The following SCRT2 variants were observed in gnomAD, a reference collection of about 807,000 sequenced individuals.
SCRT2 encodes the protein transcriptional repressor scratch 2.
In SCRT2, 2 loss-of-function variants were observed where a neutral mutation model predicts 3.7. That is an observed-to-expected ratio of 0.54 (90% confidence interval 0.22 to 1.70). The LOEUF is 1.70. Among genes scored for constraint, SCRT2 ranks in the 40% most tolerant of loss-of-function variants. The pLI is 0.19. For synonymous variants in SCRT2, 256 were observed against 220.6 expected (o/e 1.16, Z -1.42); for missense variants, 456 against 468.5 (o/e 0.97, Z 0.25).
chr20:668,856 G>T (rs972618784), intron 1 of SCRT2, among the ~76,000 whole-genome samples: 2 of 152,210 alleles, frequency 1.3e-5, no homozygotes, highest in African/African-American at 4.8e-5. Context: ...GATGGAGGGG[G>T]ATGTGTAACA....
In SCRT2 at chr20:663,388, T is replaced by C. The variant is rs576495652; in HGVS notation, c.*283A>G. ...CTGGGGCGCGGGAGAGGTGCGGACC[T>C]GGTGCCTGAGTTGGGAGCCTTGAAG... On this transcript the variant is annotated 3_prime_UTR_variant, in exon 2 of 2. Transcript: ENST00000246104. This position sits in a 1 kb window ranked among gnomAD's most constrained non-coding sequence, Gnocchi z 6.9. 5.9e-4 allele frequency: 208 copies of C among 354,772 alleles called. No individual in the cohort carries two copies. The highest frequency in any genetic ancestry group is 1.2e-3 in the Admixed American group (24 of 20,798). 22.0% of individuals were successfully genotyped at this position (354,772 alleles called of 1,614,324 possible).
chr20:664,014 G>C lies in SCRT2; in HGVS notation c.581C>G (p.Ala194Gly). The C allele has an allele frequency of 1.9e-6, 3 of 1,612,050 alleles. No homozygotes were observed. The highest frequency in any genetic ancestry group is 2.5e-6 in the Non-Finnish European group (3 of 1,179,666). ...LARKCPTCGKAYVSMPALAMH... is the reference protein window; with the variant it reads ...LARKCPTCGKGYVSMPALAMH... ...GGCGAGCGCGGGCATGGACACGTAG[G>C]CCTTGCCGCACGTCGGGCATTTGCG... Residue 194 changes from alanine (A) to glycine (G), a missense_variant, in exon 2 of 2, where the codon GCC becomes GGC. By Grantham distance (60) the Ala-to-Gly change is moderately conservative (BLOSUM62 0). Around this residue, in one of 3 missense-constraint regions of SCRT2, gnomAD observed 306 missense variants for 305.3 expected, o/e 1.00. Coordinates refer to ENST00000246104, the MANE Select transcript of SCRT2 (RefSeq NM_033129.4). The surrounding 1 kb of genome is among the most constrained non-coding windows in gnomAD (Gnocchi z 7.9).
rs1984510479 is a variant in SCRT2, at chr20:675,592, AGCGCGGCATG to A, written c.-1_9del. The stretch of plus-strand genomic sequence containing the variant: ...CCTTTGATCTTCTTTACCAGGAAGG[AGCGCGGCATG>A]GCGCGGCCGGCGCGGGGCTCGGTGC... On this transcript the variant is annotated start_lost and 5_prime_UTR_variant, in exon 1 of 2. Transcript: ENST00000246104. The surrounding 1 kb of genome is among the most constrained non-coding windows in gnomAD (Gnocchi z 6.9). 1.5e-6 allele frequency: 2 copies of A among 1,317,530 alleles called. No homozygotes were observed. Among genetic ancestry groups the A allele is most frequent in the Non-Finnish European group, 1.9e-6 (2 of 1,028,586 alleles). 81.6% of individuals were successfully genotyped at this position (1,317,530 alleles called of 1,614,324 possible).
At chr20:672,103 G>A (rs1020309622) in intron 1 of SCRT2, among the ~76,000 whole-genome samples, 1 of 152,162 alleles carries the variant, frequency 6.6e-6, no homozygotes, top group African/African-American at 2.4e-5. Flanking sequence ...CAGAAAGACT[G>A]AGTCTGTGCT....
At chr20:670,663 A>G (rs1486181680) in intron 1 of SCRT2, among the ~76,000 whole-genome samples, 1 of 152,070 alleles carries the variant, frequency 6.6e-6, no homozygotes, top group East Asian at 1.9e-4. Flanking sequence ...CCCTTTGCCC[A>G]CTGTGGATTT....
At chr20:668,062 A>G (rs943161778) in intron 1 of SCRT2, among the ~76,000 whole-genome samples, 11 of 152,190 alleles carry the variant, frequency 7.2e-5, no homozygotes, top group Non-Finnish European at 1.6e-4. Context: ...TCTTTCTGCC[A>G]CACCTGTATA....
In SCRT2 at chr20:667,071, T is replaced by C. The variant is rs78024280; in HGVS notation, c.134-2610A>G. Among the ~76,000 whole-genome samples the C allele has an allele frequency of 0.038, 5,751 of 152,274 alleles. 362 individuals carry two copies. The highest frequency in any genetic ancestry group is 0.13 in the African/African-American group (5,288 of 41,522). The stretch of plus-strand genomic sequence containing the variant: ...TCTACCATTCCCAGCAGTGTGACCT[T>C]GGCCAAACGATTTGGCCTCTGTGTG... On this transcript the variant is annotated intron_variant, in intron 1 of 1. Transcript: ENST00000246104. This position sits in a 1 kb window ranked among gnomAD's most constrained non-coding sequence, Gnocchi z 4.4.
rs1984168274 is a variant in SCRT2, at chr20:666,779, T to C, written c.134-2318A>G. ...CACTCCCCAGCCTAGCAGGACCTGG[T>C]ATAGACAGTCCTGTTCACCTGGTCT... On this transcript the variant is annotated intron_variant, in intron 1 of 1. Coordinates refer to ENST00000246104, the MANE Select transcript of SCRT2 (RefSeq NM_033129.4). The surrounding 1 kb of genome is among the most constrained non-coding windows in gnomAD (Gnocchi z 4.4). Among the ~76,000 whole-genome samples, 1 of 152,054 alleles carries C rather than the reference T, an allele frequency of 6.6e-6. No homozygotes were observed. Among genetic ancestry groups the C allele is most frequent in the African/African-American group, 2.4e-5 (1 of 41,392 alleles).
rs141336598 is a variant in SCRT2 at position 667,118 on chromosome 20, G to A, written c.134-2657C>T. ...TGTGACTCTACCGTTTCAGTAAGGGGTCTGCCAGTAAACAGTATATAAACA... is the reference window on the plus strand; with the variant it reads ...TGTGACTCTACCGTTTCAGTAAGGGATCTGCCAGTAAACAGTATATAAACA... On this transcript the variant is annotated intron_variant, in intron 1 of 1. Transcript: ENST00000246104. The surrounding 1 kb of genome is among the most constrained non-coding windows in gnomAD (Gnocchi z 4.4). Among the ~76,000 whole-genome samples, 43 of 152,272 alleles carry A rather than the reference G, an allele frequency of 2.8e-4. No homozygotes were observed. Among genetic ancestry groups the A allele is most frequent in the African/African-American group, 1.0e-3 (42 of 41,546 alleles).
At position 666,861 on chromosome 20, in the gene SCRT2, T is replaced by C. The variant is rs74566866; in HGVS notation, c.134-2400A>G. ...CCATGGAAGGGGAAGGGTGGTTTGG[T>C]TCTCCAACACAGATTCCAGCTGAGT... On this transcript the variant is annotated intron_variant, in intron 1 of 1. Transcript: ENST00000246104. The surrounding 1 kb of genome is among the most constrained non-coding windows in gnomAD (Gnocchi z 4.4). Among the ~76,000 whole-genome samples, 3,233 of 152,324 alleles carry C rather than the reference T, an allele frequency of 0.021. 48 individuals carry two copies. The highest frequency in any genetic ancestry group is 0.078 in the Middle Eastern group (23 of 294).
In SCRT2 at chr20:664,953, G is replaced by A. The variant is rs560484325; in HGVS notation, c.134-492C>T. Among the ~76,000 whole-genome samples the A allele has an allele frequency of 1.2e-4, 18 of 152,262 alleles. No homozygotes were observed. In the South Asian group the frequency reaches 3.5e-3, roughly 30 times the overall value. On this transcript the variant is annotated intron_variant, in intron 1 of 1. Coordinates refer to ENST00000246104, the MANE Select transcript of SCRT2 (RefSeq NM_033129.4). The surrounding 1 kb of genome is among the most constrained non-coding windows in gnomAD (Gnocchi z 7.9). ...ATCTGCAAAATGGAGCTTGTGATTG[G>A]ACACCTCCTTCCAGGGTCGTTGGAA...
chr20:664,136 G>A lies in SCRT2; in HGVS notation c.459C>T (p.His153=). The change falls in exon 2 of 2, where the codon CAC becomes CAT. Residue 153 remains histidine (H), a synonymous_variant. Coordinates refer to ENST00000246104, the MANE Select transcript of SCRT2 (RefSeq NM_033129.4). This position sits in a 1 kb window ranked among gnomAD's most constrained non-coding sequence, Gnocchi z 7.9. ...GRAGAQAGGG[H]RHACAECGKT... ...TGCCGCACTCGGCGCACGCGTGCCGGTGCCCGCCGCCCGCCTGCGCCCCCG... is the reference window on the plus strand; with the variant it reads ...TGCCGCACTCGGCGCACGCGTGCCGATGCCCGCCGCCCGCCTGCGCCCCCG... 2 of 1,466,132 alleles carry A rather than the reference G, an allele frequency of 1.4e-6. No homozygotes were observed. Among genetic ancestry groups the A allele is most frequent in the Non-Finnish European group, 1.8e-6 (2 of 1,105,598 alleles). The allele number at this position is 1,466,132 out of a possible 1,614,324, so 90.8% of individuals were successfully genotyped here. A position where few individuals can be genotyped will look rare whatever the true frequency, so the allele number is the denominator to read the frequency against.
rs553645291 is a variant in SCRT2, at chr20:670,973, G to A, written c.133+4496C>T. The stretch of plus-strand genomic sequence containing the variant: ...AAGCTGAAAGAGATCATATTCAACC[G>A]TTTGATATTATGAAAGGAAAACAGA... On this transcript the variant is annotated intron_variant, in intron 1 of 1. Transcript: ENST00000246104. 4.7e-4 allele frequency among the ~76,000 whole-genome samples: 72 copies of A among 152,284 alleles called. 1 individual carries two copies. The highest frequency in any genetic ancestry group is 1.5e-3 in the African/African-American group (63 of 41,558).
intron 1 of SCRT2, among the ~76,000 whole-genome samples, chr20:674,941 G>C (rs1984478126): frequency 6.6e-6 from 1 of 152,200 alleles, no homozygotes; most frequent in Non-Finnish European, 1.5e-5. Context: ...GTTATTGAGA[G>C]AGGGGGTCTG....
At chr20:672,420 T>TCAC (rs1568657491) in intron 1 of SCRT2, among the ~76,000 whole-genome samples, 2 of 125,812 alleles carry the variant, frequency 1.6e-5, no homozygotes. Flanking sequence ...TGTGTGTGTG[T>TCAC]GTGCGCGCGT....
rs1396576515 is a variant in SCRT2 at position 663,471 on chromosome 20, G to A, written c.*200C>T. ...GCCGGAAAGGATGAAGTGGGTCGGG[G>A]GACGCTGGGGAAGACGGTGTGGAAG... On this transcript the variant is annotated 3_prime_UTR_variant, in exon 2 of 2. Transcript: ENST00000246104. The surrounding 1 kb of genome is among the most constrained non-coding windows in gnomAD (Gnocchi z 6.9). 4.6e-6 allele frequency: 2 copies of A among 437,544 alleles called. No individual in the cohort carries two copies. The highest frequency in any genetic ancestry group is 9.0e-5 in the South Asian group (1 of 11,086). The allele number at this position is 437,544 out of a possible 1,614,324, so 27.1% of individuals were successfully genotyped here.
rs1453794197 is a variant in SCRT2, at chr20:675,440, AC to A, written c.133+28del. ...CCAGCTCCCCTCGCCTCTTCTCCCA[AC>A]CCCCCGCCCCCGCCGGGTCCCACTC... On this transcript the variant is annotated intron_variant, in intron 1 of 1. Transcript: ENST00000246104. This position sits in a 1 kb window ranked among gnomAD's most constrained non-coding sequence, Gnocchi z 6.9. The A allele has an allele frequency of 1.5e-5, 19 of 1,283,738 alleles. No individual in the cohort carries two copies. The highest frequency in any genetic ancestry group is 1.3e-4 in the South Asian group (5 of 37,686). 79.5% of individuals were successfully genotyped at this position (1,283,738 alleles called of 1,614,324 possible).
chr20:672,432 CGTGTGT>C (rs1270906486), intron 1 of SCRT2, among the ~76,000 whole-genome samples: 1 of 149,158 alleles, frequency 6.7e-6, no homozygotes, highest in African/African-American at 2.5e-5. Context: ...TGCGCGCGTG[CGTGTGT>C]GTGTATGGAG....
At chr20:670,502 G>A (rs770464987) in intron 1 of SCRT2, among the ~76,000 whole-genome samples, 15 of 152,338 alleles carry the variant, frequency 9.8e-5, no homozygotes, top group Non-Finnish European at 1.9e-4. Flanking sequence ...CAGGCTGTGG[G>A]GGCCCCTAAA....
Sources: allele counts gnomAD v4.1 joint callset (sites outside exome capture counted in the v4.1 genomes callset), GRCh38; gene constraint gnomAD v4.1.1; regional missense constraint gnomAD v4.1.1; non-coding constraint Gnocchi (gnomAD v3.1); transcripts MANE v1.5; gene names NCBI Gene and HGNC (gene_info 2026-07-23, HGNC 2026-07-21).